ARHGEF33: variants seen among roughly 807,000 people sequenced by gnomAD.
The protein encoded by ARHGEF33 is Rho guanine nucleotide exchange factor 33, also known as DH and coiled-coil domain-containing protein ENSP00000381780.
Under a neutral mutation model 101.9 loss-of-function variants are expected in ARHGEF33, and 72 were observed. The observed-to-expected ratio is 0.71, with a 90% CI of 0.58 to 0.86. The LOEUF (loss-of-function observed/expected upper bound fraction) is 0.86. ARHGEF33 is among the 40% of genes least tolerant of loss of function. The pLI, the probability that ARHGEF33 is intolerant of heterozygous loss-of-function variation, is 0.00. For synonymous variants in ARHGEF33, 499 were observed against 442.5 expected, an observed-to-expected ratio of 1.13 and a Z score of -1.60; for missense variants, 1,169 against 1,111.3, an observed-to-expected ratio of 1.05 and a Z score of -0.74.
rs376833237 is a variant in ARHGEF33, at chr2:38,957,008, A to G, written c.1331A>G (p.Asn444Ser). Residue 444 changes from asparagine to serine, a missense_variant, in exon 14 of 18, where the codon AAT (asparagine) becomes AGT (serine). Asn to Ser is a conservative substitution (Grantham distance 46). Coordinates refer to ENST00000409978, the MANE Select transcript of ARHGEF33 (RefSeq NM_001145451.5). ...ISHYTLLFQC[N>S]EDLLIQKRKK... ...CACTACACCCTGCTGTTTCAATGCA[A>G]TGAAGATTTGCTTATTCAGAAACGG... The G allele has an allele frequency of 1.3e-6, 2 of 1,552,086 alleles. No individual in the cohort carries two copies. Among genetic ancestry groups the G allele is most frequent in the East Asian group, 2.4e-5 (1 of 40,916 alleles).
chr2:38,924,883 A>C lies in ARHGEF33; in HGVS notation c.75+3460A>C, dbSNP rs1421139767. On this transcript the variant is annotated intron_variant, in intron 4 of 17. Transcript: ENST00000409978. Reference sequence around the variant, plus strand: ...TAATCTGAAATATATACAAAATTTTAAAACAAAAACATAGTATGACAGCAT... The same window carrying C: ...TAATCTGAAATATATACAAAATTTTCAAACAAAAACATAGTATGACAGCAT... Among the ~76,000 whole-genome samples, 7 of 152,356 alleles carry C rather than the reference A, an allele frequency of 4.6e-5. No individual in the cohort carries two copies. In the South Asian group the frequency reaches 1.4e-3, roughly 32 times the overall value.
intron 2 of ARHGEF33, among the ~76,000 whole-genome samples, chr2:38,916,366 A>G (rs1322251659): frequency 6.6e-6 from 1 of 152,226 alleles, no homozygotes; most frequent in African/African-American, 2.4e-5. Flanking sequence ...TGCTTCTTTT[A>G]CAAATGAAGA....
At position 38,931,259 on chromosome 2, in the gene ARHGEF33, T is replaced by A; in HGVS notation, c.505+8T>A. On this transcript the variant is annotated splice_region_variant and intron_variant, in intron 7 of 17. Transcript: ENST00000409978. ...CTCAGGCCTACGAGAAAGGTACAGT[T>A]CACAAATCATACTGAATTAATCAAG... 1 of 1,542,574 alleles carries A rather than the reference T, an allele frequency of 6.5e-7. No individual in the cohort carries two copies. The highest frequency in any genetic ancestry group is 8.7e-7 in the Non-Finnish European group (1 of 1,144,216).
In ARHGEF33 at chr2:38,919,463, A is replaced by G. The variant is rs779611535; in HGVS notation, c.16A>G (p.Thr6Ala). The G allele has an allele frequency of 1.7e-4, 271 of 1,551,788 alleles. 1 individual carries two copies. The highest frequency in any genetic ancestry group is 2.9e-5 in the Non-Finnish European group (33 of 1,146,954). Reference protein sequence around the residue: MEKTKTKQGENEHMPV... With the variant: MEKTKAKQGENEHMPV... ...AACCGGCACTATGGAAAAAACCAAAACAAAGCAAGGTCAGATTTTTCCTAT... is the reference window on the plus strand; with the variant it reads ...AACCGGCACTATGGAAAAAACCAAAGCAAAGCAAGGTCAGATTTTTCCTAT... The change falls in exon 3 of 18, where the codon ACA becomes GCA. Residue 6 changes from threonine to alanine, a missense_variant. Thr to Ala is a moderately conservative substitution (Grantham distance 58). Coordinates refer to ENST00000409978, the MANE Select transcript of ARHGEF33 (RefSeq NM_001145451.5).
At chr2:38,926,721 A>G (rs1666880975) in intron 4 of ARHGEF33, among the ~76,000 whole-genome samples, 1 of 152,132 alleles carries the variant, frequency 6.6e-6, no homozygotes, top group Non-Finnish European at 1.5e-5. Context: ...TTTTCCTAGG[A>G]GTCTGCTGCT....
At chr2:38,891,850 T>C (rs145698730) in intron 1 of ARHGEF33, among the ~76,000 whole-genome samples, 1 of 151,738 alleles carries the variant, frequency 6.6e-6, no homozygotes, top group Non-Finnish European at 1.5e-5. Context: ...AGGAATCACC[T>C]TGGGAGTCAT....
At chr2:38,942,537 C>A (rs1344488783) in intron 9 of ARHGEF33, among the ~76,000 whole-genome samples, 1 of 118,320 alleles carries the variant, frequency 8.5e-6, no homozygotes, top group Non-Finnish European at 1.9e-5. Context: ...TTTTTTCTAT[C>A]TTTTAAGCAA....
chr2:38,948,297 A>C (rs927973629), intron 10 of ARHGEF33, among the ~76,000 whole-genome samples: 1 of 152,240 alleles, frequency 6.6e-6, no homozygotes, highest in Non-Finnish European at 1.5e-5. Flanking sequence ...TAAAAGGTTT[A>C]AAGCCCGTTT....
At chr2:38,905,122 C>T (rs1248577280) in intron 2 of ARHGEF33, among the ~76,000 whole-genome samples, 1 of 151,610 alleles carries the variant, frequency 6.6e-6, no homozygotes, top group Non-Finnish European at 1.5e-5. Context: ...GACCATGGAA[C>T]AGCCCAGTGA....
At position 38,938,821 on chromosome 2, in the gene ARHGEF33, G is replaced by GA. The variant is rs557090382; in HGVS notation, c.790+1264dup. ...TCTGTTCTTAAACTTCATGTAAATG[G>GA]AATAACACAGTGTACTCTTTTGTGT... On this transcript the variant is annotated intron_variant, in intron 9 of 17. Coordinates refer to ENST00000409978, the MANE Select transcript of ARHGEF33 (RefSeq NM_001145451.5). 7.9e-5 allele frequency among the ~76,000 whole-genome samples: 12 copies of GA among 152,260 alleles called. No individual in the cohort carries two copies. The South Asian group carries it at 2.5e-3, about 32-fold the overall frequency.
intron 2 of ARHGEF33, among the ~76,000 whole-genome samples, chr2:38,902,473 A>C (rs1666270743): frequency 6.6e-6 from 1 of 152,238 alleles, no homozygotes; most frequent in South Asian, 2.1e-4. Flanking sequence ...TGACTTAGCC[A>C]AGTCACTTAT....
intron 2 of ARHGEF33, among the ~76,000 whole-genome samples, chr2:38,918,528 G>A (rs1666685309): frequency 6.6e-6 from 1 of 152,126 alleles, no homozygotes; most frequent in Non-Finnish European, 1.5e-5. Flanking sequence ...AAGAGGGCCA[G>A]TATCCACAAC....
chr2:38,959,676 C>A, intron 15 of ARHGEF33, 165 bp from the exon 16 acceptor site: 1 of 726,694 alleles, frequency 1.4e-6, no homozygotes. Context: ...CACTCTCCGC[C>A]TGGGAACGGG....
chr2:38,903,427 T>A (rs1003154909), intron 2 of ARHGEF33, among the ~76,000 whole-genome samples: 1 of 151,878 alleles, frequency 6.6e-6, no homozygotes, highest in Non-Finnish European at 1.5e-5. Context: ...ATTTTTTTTT[T>A]TTTAGATTTA....
chr2:38,921,806 C>T (rs1005107908), intron 4 of ARHGEF33, among the ~76,000 whole-genome samples: 2 of 152,166 alleles, frequency 1.3e-5, no homozygotes, highest in African/African-American at 4.8e-5. Context: ...GCTTCTCTTG[C>T]CTGCTGCCCC....
chr2:38,943,199 A>G lies in ARHGEF33; in HGVS notation c.791-702A>G, dbSNP rs1667357644. On this transcript the variant is annotated intron_variant, in intron 9 of 17. Transcript: ENST00000409978. ...CGCCTTGGCCTCCCAAAGTGCTAGG[A>G]TTACAGGCATGAGCCACCATGTCCG... Among the ~76,000 whole-genome samples the G allele has an allele frequency of 2.6e-5, 4 of 152,328 alleles. No individual in the cohort carries two copies. In the South Asian group the frequency reaches 8.3e-4, roughly 32 times the overall value.
intron 9 of ARHGEF33, among the ~76,000 whole-genome samples, chr2:38,938,599 T>C (rs182021579): frequency 7.0e-4 from 107 of 152,302 alleles, no homozygotes; most frequent in Admixed American, 8.5e-4. Flanking sequence ...TGAATTTACA[T>C]AGAGTAAAAT....
chr2:38,960,305 A>C lies in ARHGEF33; in HGVS notation c.2000A>C (p.Glu667Ala). Residue 667 changes from glutamate (E) to alanine (A), a missense_variant, in exon 16 of 18, where the codon GAG (glutamate) becomes GCG (alanine). Transcript: ENST00000409978. ...LRPVSFAMEA[E>A]RPEHPLQPLP... ...CCCGTCAGCTTCGCCATGGAGGCCGAGCGGCCGGAGCACCCGCTGCAGCCG... is the reference window on the plus strand; with the variant it reads ...CCCGTCAGCTTCGCCATGGAGGCCGCGCGGCCGGAGCACCCGCTGCAGCCG... The C allele has an allele frequency of 1.3e-6, 2 of 1,544,710 alleles. No individual in the cohort carries two copies. The highest frequency in any genetic ancestry group is 1.7e-6 in the Non-Finnish European group (2 of 1,145,970).
intron 4 of ARHGEF33, among the ~76,000 whole-genome samples, chr2:38,925,059 T>C (rs769850438): frequency 6.6e-6 from 1 of 152,154 alleles, no homozygotes; most frequent in Non-Finnish European, 1.5e-5. Flanking sequence ...AAATGCCTTA[T>C]TAGAATATTA....
Sources: allele counts gnomAD v4.1 joint callset (sites outside exome capture counted in the v4.1 genomes callset), GRCh38; gene constraint gnomAD v4.1.1; transcripts MANE v1.5; gene names NCBI Gene and HGNC (gene_info 2026-07-23, HGNC 2026-07-21).